USP34: variants seen among roughly 807,000 people sequenced by gnomAD.
USP34 encodes ubiquitin specific peptidase 34.
USP34 carries 70 observed loss-of-function variants against 460.3 expected under a neutral mutation model. That is an observed-to-expected ratio of 0.15 (90% CI 0.13 to 0.19). The LOEUF (loss-of-function observed/expected upper bound fraction) is 0.19. Among genes scored for constraint, USP34 ranks in the 10% least tolerant of loss-of-function variants. The pLI, the probability that USP34 is intolerant of heterozygous loss-of-function variation, is 1.00. For missense variants in USP34, 3,985 were observed against 4,236.2 expected, an observed-to-expected ratio of 0.94 and a Z score of 1.65; for synonymous variants, 1,647 against 1,405.3, an observed-to-expected ratio of 1.17 and a Z score of -3.85.
In USP34 at chr2:61,214,602, G is replaced by A. The variant is rs779936748; in HGVS notation, c.8140C>T (p.Leu2714Phe). ...TRSLHIPTRD[L>F]PLSPDTTVVL... is the part of the protein sequence containing the mutation. ...ACTGTTGTGTCTGGACTGAGTGGAA[G>A]GTCACGGGTTGGGATGTGCAAAGAC... Residue 2714 changes from leucine (L) to phenylalanine (F), a missense_variant, in exon 68 of 80, where the codon CTT (leucine) becomes TTT (phenylalanine). Physicochemically the swap from Leu to Phe is conservative, Grantham distance 22 (BLOSUM62 0). Around this residue, in one of 14 missense-constraint regions of USP34, gnomAD observed 604 missense variants for 684.8 expected, o/e 0.88. Coordinates refer to ENST00000398571, the MANE Select transcript of USP34 (RefSeq NM_014709.4). 6.2e-6 allele frequency: 10 copies of A among 1,614,152 alleles called. No individual in the cohort carries two copies. The highest frequency in any genetic ancestry group is 8.5e-6 in the Non-Finnish European group (10 of 1,180,004).
At chr2:61,306,427 A>G (rs139281347) in intron 27 of USP34, among the ~76,000 whole-genome samples, 89 of 152,148 alleles carry the variant, frequency 5.8e-4, no homozygotes, top group Non-Finnish European at 9.1e-4. Flanking sequence ...CCACTGGTCT[A>G]TATCTCTGTT....
At chr2:61,443,127 G>A (rs1282513643) in intron 1 of USP34, among the ~76,000 whole-genome samples, 1 of 152,060 alleles carries the variant, frequency 6.6e-6, no homozygotes, top group South Asian at 2.1e-4. Flanking sequence ...GATACAAGAA[G>A]GTGGAAAGGA....
chr2:61,350,657 G>A lies in USP34; in HGVS notation c.1288C>T (p.Pro430Ser). 3 of 1,613,578 alleles carry A rather than the reference G, an allele frequency of 1.9e-6. No homozygotes were observed. The highest frequency in any genetic ancestry group is 2.5e-6 in the Non-Finnish European group (3 of 1,179,838). Residue 430 changes from proline to serine, a missense_variant, in exon 11 of 80, where the codon CCT (proline) becomes TCT (serine). Transcript: ENST00000398571. ...GGATCCAAATTCTTGATGAGTGAAGGAAATAAGTCATGTATATACCGACTA... is the reference window on the plus strand; with the variant it reads ...GGATCCAAATTCTTGATGAGTGAAGAAAATAAGTCATGTATATACCGACTA... ...HCSRYIHDLFPSLIKNLDPVP... is the reference protein window; with the variant it reads ...HCSRYIHDLFSSLIKNLDPVP...
intron 2 of USP34, among the ~76,000 whole-genome samples, chr2:61,407,728 C>G (rs933490070): frequency 5.3e-5 from 8 of 152,090 alleles, no homozygotes; most frequent in Non-Finnish European, 2.9e-5. Context: ...TTTTTTGGAT[C>G]ACTTACTCTA....
intron 59 of USP34, 24 bp from the exon 60 acceptor site, chr2:61,229,019 T>TA: frequency 6.6e-7 from 1 of 1,509,962 alleles, no homozygotes; most frequent in Non-Finnish European, 8.9e-7. Flanking sequence ...AAATAGATCT[T>TA]AGAGAATGTA....
At chr2:61,309,702 C>G (rs899918153) in intron 27 of USP34, among the ~76,000 whole-genome samples, 1 of 152,162 alleles carries the variant, frequency 6.6e-6, no homozygotes, top group Non-Finnish European at 1.5e-5. Context: ...CTTTGATCTA[C>G]TCCTGAGAGT....
At position 61,208,991 on chromosome 2, in the gene USP34, T is replaced by C. The variant is rs764717387; in HGVS notation, c.8841-14A>G. On this transcript the variant is annotated splice_polypyrimidine_tract_variant and intron_variant, in intron 69 of 79. Coordinates refer to ENST00000398571, the MANE Select transcript of USP34 (RefSeq NM_014709.4). ...ATTCTGAAGGCACTAGAAGAAAACA[T>C]AAAGTTCAGTTTGAGAAGTCTGAAT... 1 of 1,536,722 alleles carries C rather than the reference T, an allele frequency of 6.5e-7. No individual in the cohort carries two copies.
At chr2:61,355,822 G>A (rs1477549150) in intron 10 of USP34, among the ~76,000 whole-genome samples, 1 of 151,980 alleles carries the variant, frequency 6.6e-6, no homozygotes, top group African/African-American at 2.4e-5. Flanking sequence ...AGACAGAATT[G>A]GTATTTTTTT....
intron 10 of USP34, among the ~76,000 whole-genome samples, chr2:61,362,008 G>T (rs1692290523): frequency 6.6e-6 from 1 of 151,898 alleles, no homozygotes; most frequent in African/African-American, 2.4e-5. Context: ...CCTATGTAGG[G>T]CAAAGAAAAT....
At chr2:61,306,175 C>T (rs1331241371) in intron 27 of USP34, among the ~76,000 whole-genome samples, 2 of 152,132 alleles carry the variant, frequency 1.3e-5, no homozygotes, top group Non-Finnish European at 2.9e-5. Flanking sequence ...AATGGTATTG[C>T]CTAGGTTTTC....
intron 61 of USP34, among the ~76,000 whole-genome samples, chr2:61,227,586 T>C (rs1347640903): frequency 6.6e-6 from 1 of 151,916 alleles, no homozygotes; most frequent in East Asian, 1.9e-4. Context: ...TGGCACGCGC[T>C]TGTAATCCCT....
At chr2:61,446,360 A>T (rs565257240) in intron 1 of USP34, among the ~76,000 whole-genome samples, 2 of 152,304 alleles carry the variant, frequency 1.3e-5, no homozygotes, top group East Asian at 1.9e-4. Flanking sequence ...GAAATGATCT[A>T]AAGTTGAAAG....
In USP34 at chr2:61,370,576, G is replaced by A; in HGVS notation, c.1080C>T (p.Ser360=). ...GCCAGTCTGCAAGTTCTTTTGCAAT[G>A]GACCTAAAGTCAAGCAATGAAAATA... ...NESLVSDTET[S]IAKELADWLI... Residue 360 remains serine, a synonymous_variant, in exon 9 of 80, where the codon TCC becomes TCT. Coordinates refer to ENST00000398571, the MANE Select transcript of USP34 (RefSeq NM_014709.4). The A allele has an allele frequency of 6.2e-7, 1 of 1,613,012 alleles. No individual in the cohort carries two copies. The highest frequency in any genetic ancestry group is 1.1e-5 in the South Asian group (1 of 90,786).
intron 27 of USP34, among the ~76,000 whole-genome samples, chr2:61,304,014 C>T (rs1325105671): frequency 6.6e-6 from 1 of 152,140 alleles, no homozygotes; most frequent in African/African-American, 2.4e-5. Flanking sequence ...TCTCATGCCT[C>T]AGCCTTCCAA....
intron 1 of USP34, among the ~76,000 whole-genome samples, chr2:61,432,099 G>C (rs1043619116): frequency 2.6e-5 from 4 of 151,984 alleles, no homozygotes; most frequent in Non-Finnish European, 5.9e-5. Flanking sequence ...ACAGCACTTT[G>C]GGAGGCCAAG....
In USP34 at chr2:61,213,696, G is replaced by A. The variant is rs75164736; in HGVS notation, c.8682+364C>T. 2.4e-4 allele frequency among the ~76,000 whole-genome samples: 36 copies of A among 152,292 alleles called. No individual in the cohort carries two copies. In the East Asian group the frequency reaches 6.6e-3, roughly 28 times the overall value. The stretch of plus-strand genomic sequence containing the variant: ...AGCTCACAGTTTACCACAGCATGTA[G>A]ATTTTGCTAAGTATCTGATTTTTAA... On this transcript the variant is annotated intron_variant, in intron 68 of 79. Coordinates refer to ENST00000398571, the MANE Select transcript of USP34 (RefSeq NM_014709.4).
intron 42 of USP34, 106 bp from the exon 43 acceptor site, chr2:61,265,663 A>G: frequency 7.9e-6 from 8 of 1,018,290 alleles, no homozygotes; most frequent in Non-Finnish European, 1.1e-5. Context: ...CCTCATTAAT[A>G]TATATAGAAC....
At chr2:61,347,435 G>A (rs1691805999) in intron 15 of USP34, among the ~76,000 whole-genome samples, 1 of 152,092 alleles carries the variant, frequency 6.6e-6, no homozygotes, top group Admixed American at 6.6e-5. Context: ...GTGCAGTGGT[G>A]TGATCTCAGC....
At chr2:61,253,681 C>G (rs1265035429) in intron 48 of USP34, among the ~76,000 whole-genome samples, 1 of 151,720 alleles carries the variant, frequency 6.6e-6, no homozygotes, top group Non-Finnish European at 1.5e-5. Flanking sequence ...CTAGAAAAAT[C>G]CTTTGTTTGA....
Sources: allele counts gnomAD v4.1 joint callset (sites outside exome capture counted in the v4.1 genomes callset), GRCh38; gene constraint gnomAD v4.1.1; regional missense constraint gnomAD v4.1.1; transcripts MANE v1.5; gene names NCBI Gene and HGNC (gene_info 2026-07-23, HGNC 2026-07-21).